Variants in RNF166 observed in about 807,000 individuals in gnomAD.
RNF166 encodes the protein ring finger protein 166.
A neutral mutation model predicts 29.4 loss-of-function variants in RNF166; 19 were observed. The observed-to-expected ratio is 0.65, with a 90% confidence interval of 0.45 to 0.95. The LOEUF (loss-of-function observed/expected upper bound fraction) is 0.95. RNF166 is among the 40% of genes least tolerant of loss of function. The probability of loss-of-function intolerance (pLI) is 0.00; values close to 1 mark genes in which losing one functional copy is unlikely to be tolerated. For missense variants in RNF166, 347 were observed against 322.1 expected (o/e 1.08, Z -0.59); for synonymous variants, 171 against 134.5 (o/e 1.27, Z -1.88).
intron 1 of RNF166, among the ~76,000 whole-genome samples, chr16:88,705,303 C>G (rs1190372308): frequency 2.6e-5 from 4 of 152,232 alleles, no homozygotes; most frequent in Non-Finnish European, 5.9e-5. Context: ...TGGGTGCACC[C>G]CCCTCCACTC....
intron 5 of RNF166, chr16:88,698,250 A>G: frequency 4.5e-6 from 3 of 662,132 alleles, no homozygotes; most frequent in Middle Eastern, 5.8e-4. Flanking sequence ...GTGGGCAGGC[A>G]GGGACCTGCC....
chr16:88,698,404 C>T (rs771960416), intron 5 of RNF166, 98 bp downstream of exon 5: 3 of 966,574 alleles, frequency 3.1e-6, no homozygotes, highest in Non-Finnish European at 4.9e-6. Flanking sequence ...TTCTGGCTTC[C>T]TCTGAACCCT....
At chr16:88,702,569 C>T (rs996746724) in intron 1 of RNF166, among the ~76,000 whole-genome samples, 9 of 152,158 alleles carry the variant, frequency 5.9e-5, no homozygotes, top group African/African-American at 1.9e-4. Context: ...GGGCCTCAGG[C>T]AAAGGTGGCC....
intron 1 of RNF166, chr16:88,704,236 C>T (rs1350558662): frequency 1.0e-6 from 1 of 985,308 alleles, no homozygotes; most frequent in Admixed American, 6.1e-5. Context: ...GCATGCATGC[C>T]TTAGCAACAC....
At chr16:88,700,753 A>G (rs1157781997) in intron 2 of RNF166, 3 of 995,552 alleles carry the variant, frequency 3.0e-6, no homozygotes, top group East Asian at 1.1e-4. Flanking sequence ...ATGGGGGCCA[A>G]TGAGGCCCAT....
chr16:88,697,889 A>T (rs1221037877), intron 5 of RNF166: 5 of 495,678 alleles, frequency 1.0e-5, no homozygotes, highest in Admixed American at 7.2e-5. Context: ...TCGGACTCTA[A>T]GCCCGGGGTT....
chr16:88,699,592 C>A, intron 3 of RNF166, 28 bp downstream of exon 3: 3 of 1,565,318 alleles, frequency 1.9e-6, no homozygotes, highest in Non-Finnish European at 2.6e-6. Context: ...GAGGACAGTT[C>A]CTCTCCCTTG....
intron 4 of RNF166, 72 bp from the exon 5 acceptor site, chr16:88,698,681 C>T (rs1909887659): frequency 3.4e-6 from 4 of 1,180,370 alleles, no homozygotes; most frequent in Admixed American, 2.5e-5. Flanking sequence ...GACTGGGGGC[C>T]CTCCACTGAG....
In RNF166 at chr16:88,706,355, C is replaced by A. The variant is rs1480185767; in HGVS notation, c.-30G>T. ...GGGCCAGGCCCGCGCCGCCCGCCGC[C>A]CGCTGTCCTGGCCCGGGCCGGCCCG... On this transcript the variant is annotated 5_prime_UTR_variant, in exon 1 of 6. Coordinates refer to ENST00000312838, the MANE Select transcript of RNF166 (RefSeq NM_178841.4). 3 of 1,216,470 alleles carry A rather than the reference C, an allele frequency of 2.5e-6. No homozygotes were observed. The highest frequency in any genetic ancestry group is 3.1e-6 in the Non-Finnish European group (3 of 978,692). 75.4% of individuals were successfully genotyped at this position (1,216,470 alleles called of 1,614,324 possible). A position where few individuals can be genotyped will look rare whatever the true frequency, so the allele number is the denominator to read the frequency against.
chr16:88,706,172 T>C lies in RNF166; in HGVS notation c.154A>G (p.Thr52Ala). The C allele has an allele frequency of 8.0e-7, 1 of 1,251,798 alleles. No homozygotes were observed. 77.5% of individuals were successfully genotyped at this position (1,251,798 alleles called of 1,614,324 possible). A position where few individuals can be genotyped will look rare whatever the true frequency, so the allele number is the denominator to read the frequency against. The change falls in exon 1 of 6, where the codon ACG becomes GCG. Residue 52 changes from threonine (T) to alanine (A), a missense_variant and splice_region_variant. By Grantham distance (58) the Thr-to-Ala change is moderately conservative. Transcript: ENST00000312838. ...RPVAIGSCGH[T>A]FCGECLQPCL... is the part of the protein sequence containing the mutation. Reference sequence around the variant, plus strand: ...CGGCCCCTGGGCGGGCGCGCTCACGTGTGGCCGCAGCTGCCGATGGCCACG... The same window carrying C: ...CGGCCCCTGGGCGGGCGCGCTCACGCGTGGCCGCAGCTGCCGATGGCCACG...
intron 2 of RNF166, 30 bp downstream of exon 2, chr16:88,701,232 G>A (rs771872695): frequency 9.3e-6 from 15 of 1,609,994 alleles, no homozygotes; most frequent in East Asian, 6.7e-5. Flanking sequence ...AAGTGACCCC[G>A]GCTCCAGGGC....
chr16:88,699,235 G>A (rs1369843708), intron 3 of RNF166, 150 bp from the exon 4 acceptor site: 9 of 672,448 alleles, frequency 1.3e-5, no homozygotes, highest in East Asian at 8.1e-5. Flanking sequence ...GCCTCTGCAC[G>A]CCATGGCCTC....
intron 3 of RNF166, 39 bp from the exon 4 acceptor site, chr16:88,699,124 G>A (rs776661601): frequency 2.3e-5 from 31 of 1,356,842 alleles, no homozygotes; most frequent in Non-Finnish European, 3.2e-5. Context: ...ACGGCTAGGT[G>A]TCTAGGGGCT....
chr16:88,700,277 C>A (rs916698238), intron 2 of RNF166, among the ~76,000 whole-genome samples: 1 of 152,196 alleles, frequency 6.6e-6, no homozygotes, highest in Non-Finnish European at 1.5e-5. Flanking sequence ...GGATGCACCA[C>A]ATTCCAGCAA....
intron 4 of RNF166, 149 bp from the exon 5 acceptor site, chr16:88,698,758 C>A: frequency 1.5e-6 from 1 of 676,620 alleles, no homozygotes; most frequent in South Asian, 1.9e-5. Context: ...CGGTGACAAG[C>A]GAGTTATTCA....
At chr16:88,703,198 G>C (rs1910441733) in intron 1 of RNF166, 3 of 976,556 alleles carry the variant, frequency 3.1e-6, no homozygotes, top group Non-Finnish European at 3.7e-6. Context: ...CCAGGCGAGG[G>C]GGAGAGTCCT....
intron 2 of RNF166, 96 bp from the exon 3 acceptor site, chr16:88,699,828 G>GT: frequency 1.3e-6 from 1 of 776,138 alleles, no homozygotes; most frequent in Non-Finnish European, 2.1e-6. Flanking sequence ...CCAGAGAACT[G>GT]TAAGCAAGCG....
At position 88,697,429 on chromosome 16, in the gene RNF166, C is replaced by T. The variant is rs1331143586; in HGVS notation, c.*139G>A. 1.6e-6 allele frequency: 1 copy of T among 633,844 alleles called. No homozygotes were observed. The highest frequency in any genetic ancestry group is 3.0e-5 in the East Asian group (1 of 33,432). 39.3% of individuals were successfully genotyped at this position (633,844 alleles called of 1,614,324 possible). ...CCGTATTCAGGCCCGGAGGCTCGGC[C>T]CCGGCTCCCCTTCTGCGCGGGTGCA... is the stretch of plus-strand genomic sequence containing the variant. On this transcript the variant is annotated 3_prime_UTR_variant, in exon 6 of 6. Coordinates refer to ENST00000312838, the MANE Select transcript of RNF166 (RefSeq NM_178841.4).
chr16:88,704,304 G>A (rs751892891), intron 1 of RNF166: 1 of 985,348 alleles, frequency 1.0e-6, no homozygotes, highest in Non-Finnish European at 1.2e-6. Flanking sequence ...AAGCCAGCAG[G>A]AAAAGTCGGG....
Sources: allele counts gnomAD v4.1 joint callset (sites outside exome capture counted in the v4.1 genomes callset), GRCh38; gene constraint gnomAD v4.1.1; transcripts MANE v1.5; gene names NCBI Gene and HGNC (gene_info 2026-07-23, HGNC 2026-07-21).